Variants in KCNT2 observed in about 807,000 individuals in gnomAD.
KCNT2 encodes potassium channel subfamily T member 2.
KCNT2 carries 67 observed loss-of-function variants against 153.8 expected under a neutral mutation model. That is an observed-to-expected ratio of 0.44 (90% confidence interval 0.36 to 0.53). The LOEUF (loss-of-function observed/expected upper bound fraction) is 0.53, where lower values mean the gene tolerates loss of function less well. Ranked by LOEUF, KCNT2 falls within the 20% of genes least tolerant of loss-of-function variation. KCNT2 has a pLI of 0.00. For synonymous variants in KCNT2, 500 were observed against 458.8 expected (o/e 1.09, Z -1.15); for missense variants, 975 against 1,354.8 (o/e 0.72, Z 4.40).
chr1:196,510,814 A>G (rs1340390838), intron 1 of KCNT2, among the ~76,000 whole-genome samples: 44 of 152,166 alleles, frequency 2.9e-4, no homozygotes, highest in Admixed American at 2.9e-3. Flanking sequence ...ACAGCCTACA[A>G]CACAAAGTTT....
chr1:196,257,971 T>G (rs1656661045), intron 26 of KCNT2: 2 of 1,298,530 alleles, frequency 1.5e-6, no homozygotes, highest in Non-Finnish European at 2.0e-6. Flanking sequence ...ATGTAATGGG[T>G]TTAGCACAGT....
intron 8 of KCNT2, among the ~76,000 whole-genome samples, chr1:196,439,235 G>A (rs1675004289): frequency 6.6e-6 from 1 of 151,900 alleles, no homozygotes; most frequent in Admixed American, 6.6e-5. Context: ...AATCCTTTAA[G>A]AATTGTTATA....
intron 12 of KCNT2, among the ~76,000 whole-genome samples, chr1:196,402,387 C>T (rs1003136266): frequency 6.6e-6 from 1 of 151,266 alleles, no homozygotes; most frequent in African/African-American, 2.4e-5. Context: ...TATCTAACAA[C>T]AATAACATAA....
At position 196,512,569 on chromosome 1, in the gene KCNT2, T is replaced by C. The variant is rs1211874261; in HGVS notation, c.96-20228A>G. The stretch of plus-strand genomic sequence containing the variant: ...CTCTTTTAACTTGAGTGCATATTAA[T>C]ATTATTGTTTAAAGTTCTTCAAGTA... On this transcript the variant is annotated intron_variant, in intron 1 of 27. Transcript: ENST00000294725. Among the ~76,000 whole-genome samples, 4 of 152,286 alleles carry C rather than the reference T, an allele frequency of 2.6e-5. No homozygotes were observed. In the South Asian group the frequency reaches 6.2e-4, roughly 24 times the overall value.
At position 196,547,825 on chromosome 1, in the gene KCNT2, T is replaced by C. The variant is rs977689279; in HGVS notation, c.96-55484A>G. ...AAGCAATACATCTTCTTTTAGAAAA[T>C]TGTTAGTAAGAATCAATCATTTCAT... On this transcript the variant is annotated intron_variant, in intron 1 of 27. Coordinates refer to ENST00000294725, the MANE Select transcript of KCNT2 (RefSeq NM_198503.5). Among the ~76,000 whole-genome samples, 5 of 151,834 alleles carry C rather than the reference T, an allele frequency of 3.3e-5. No individual in the cohort carries two copies. In the South Asian group the frequency reaches 6.2e-4, roughly 19 times the overall value.
intron 1 of KCNT2, among the ~76,000 whole-genome samples, chr1:196,499,087 C>A (rs1488610584): frequency 6.6e-6 from 1 of 152,136 alleles, no homozygotes; most frequent in East Asian, 1.9e-4. Context: ...GGAAGATGGT[C>A]ATATGAAGAC....
At chr1:196,385,413 C>A (rs945362871) in intron 13 of KCNT2, among the ~76,000 whole-genome samples, 5 of 152,106 alleles carry the variant, frequency 3.3e-5, no homozygotes, top group African/African-American at 1.2e-4. Flanking sequence ...GTATTACACT[C>A]TACGGAACCA....
intron 23 of KCNT2, among the ~76,000 whole-genome samples, chr1:196,283,561 G>A (rs1659331407): frequency 6.6e-6 from 1 of 152,146 alleles, no homozygotes; most frequent in Admixed American, 6.5e-5. Flanking sequence ...AGCTAGAATA[G>A]TCTTTACAGA....
At chr1:196,492,141 G>A in intron 2 of KCNT2, 121 bp downstream of exon 2, 1 of 1,007,218 alleles carries the variant, frequency 9.9e-7, no homozygotes, top group Non-Finnish European at 1.3e-6. Flanking sequence ...TCTACCACCT[G>A]CTGGAAAAAA....
intron 1 of KCNT2, among the ~76,000 whole-genome samples, chr1:196,525,408 C>A (rs1654040354): frequency 1.3e-5 from 2 of 152,092 alleles, no homozygotes; most frequent in African/African-American, 2.4e-5. Context: ...ATAGCTCTTA[C>A]ATGTAACGTT....
At chr1:196,448,287 A>C (rs890909468) in intron 8 of KCNT2, among the ~76,000 whole-genome samples, 2 of 151,686 alleles carry the variant, frequency 1.3e-5, no homozygotes, top group Non-Finnish European at 3.0e-5. Flanking sequence ...AAAAGAGATA[A>C]TGCAAGCAAA....
chr1:196,229,910 T>C (rs533786044), intron 27 of KCNT2, among the ~76,000 whole-genome samples: 4 of 152,230 alleles, frequency 2.6e-5, no homozygotes, highest in African/African-American at 9.6e-5. Context: ...AAGAGGAAGC[T>C]AGCAGAGGTT....
chr1:196,409,040 T>C (rs561717191), intron 12 of KCNT2, among the ~76,000 whole-genome samples: 11 of 151,370 alleles, frequency 7.3e-5, no homozygotes, highest in Middle Eastern at 3.4e-3. Flanking sequence ...TTGAGGGTTT[T>C]TTTTTATATG....
At chr1:196,399,162 GATATA>G (rs909712447) in intron 12 of KCNT2, among the ~76,000 whole-genome samples, 3 of 150,162 alleles carry the variant, frequency 2.0e-5, no homozygotes, top group African/African-American at 7.3e-5. Flanking sequence ...AAAACTCTTA[GATATA>G]ATAAAATACA....
At chr1:196,558,728 A>G (rs532163930) in intron 1 of KCNT2, among the ~76,000 whole-genome samples, 18 of 151,632 alleles carry the variant, frequency 1.2e-4, no homozygotes, top group Admixed American at 4.0e-4. Flanking sequence ...TACTCTTTTT[A>G]TAAAGTTGAC....
At chr1:196,470,857 G>C (rs1315078191) in intron 5 of KCNT2, among the ~76,000 whole-genome samples, 4 of 147,190 alleles carry the variant, frequency 2.7e-5, no homozygotes, top group East Asian at 4.1e-4. Flanking sequence ...TGCATATATT[G>C]ACCCTAATTT....
chr1:196,483,688 A>C (rs1679192090), intron 3 of KCNT2, among the ~76,000 whole-genome samples: 1 of 152,102 alleles, frequency 6.6e-6, no homozygotes, highest in Non-Finnish European at 1.5e-5. Flanking sequence ...TTGTCAACTA[A>C]TCCCTTGGGC....
At chr1:196,554,272 G>A (rs1206175338) in intron 1 of KCNT2, among the ~76,000 whole-genome samples, 3 of 150,766 alleles carry the variant, frequency 2.0e-5, no homozygotes, top group African/African-American at 7.3e-5. Flanking sequence ...AACCAACTAA[G>A]AAAAAAGAGA....
At chr1:196,504,774 AT>A (rs1680993778) in intron 1 of KCNT2, among the ~76,000 whole-genome samples, 1 of 152,164 alleles carries the variant, frequency 6.6e-6, no homozygotes, top group Non-Finnish European at 1.5e-5. Context: ...AACGATTGCC[AT>A]TCTAACTGGT....
Sources: allele counts gnomAD v4.1 joint callset (sites outside exome capture counted in the v4.1 genomes callset), GRCh38; gene constraint gnomAD v4.1.1; transcripts MANE v1.5; gene names NCBI Gene and HGNC (gene_info 2026-07-23, HGNC 2026-07-21).